Variants in ACOX2 observed in about 807,000 individuals in gnomAD.
The protein encoded by ACOX2 is acyl-CoA oxidase 2, also known as peroxisomal acyl-coenzyme A oxidase 2.
A neutral mutation model predicts 77.5 loss-of-function variants in ACOX2; 59 were observed. The observed-to-expected ratio is 0.76, with a 90% CI of 0.62 to 0.95. The LOEUF (loss-of-function observed/expected upper bound fraction) is 0.95, where lower values mean the gene tolerates loss of function less well. Among genes scored for constraint, ACOX2 ranks in the 40% least tolerant of loss-of-function variants. The pLI, the probability that ACOX2 is intolerant of heterozygous loss-of-function variation, is 0.00. For missense variants in ACOX2, 837 were observed against 880.4 expected (o/e 0.95, Z 0.62); for synonymous variants, 317 against 340.1 (o/e 0.93, Z 0.75).
intron 14 of ACOX2, among the ~76,000 whole-genome samples, chr3:58,507,005 C>A (rs1379140415): frequency 1.3e-5 from 2 of 152,158 alleles, no homozygotes; most frequent in African/African-American, 4.8e-5. Context: ...AGATCATGTA[C>A]ATTAGCAGGC....
In ACOX2 at chr3:58,537,153, C is replaced by T. The variant is rs993829106; in HGVS notation, c.-126G>A. On this transcript the variant is annotated 5_prime_UTR_variant, in exon 1 of 15. Transcript: ENST00000302819. ...CTCTGTCCTGTGTCCGCACTGTAGG[C>T]CGGGCTGGCCTCTCCCCGGCTGTAG... The T allele has an allele frequency of 1.3e-5, 2 of 152,668 alleles. No homozygotes were observed. Among genetic ancestry groups the T allele is most frequent in the African/African-American group, 4.8e-5 (2 of 41,472 alleles). 9.5% of individuals were successfully genotyped at this position (152,668 alleles called of 1,614,324 possible). A position where few individuals can be genotyped will look rare whatever the true frequency, so the allele number is the denominator to read the frequency against.
At chr3:58,509,751 G>A (rs1386521943) in intron 13 of ACOX2, among the ~76,000 whole-genome samples, 6 of 150,758 alleles carry the variant, frequency 4.0e-5, no homozygotes, top group African/African-American at 9.8e-5. Flanking sequence ...GATTACAGGC[G>A]CCTGCCACCA....
At position 58,533,553 on chromosome 3, in the gene ACOX2, C is replaced by T; in HGVS notation, c.476-1G>A. On this transcript the variant is annotated splice_acceptor_variant, in intron 4 of 14. Coordinates refer to ENST00000302819, the MANE Select transcript of ACOX2 (RefSeq NM_003500.4). LOFTEE classifies it high-confidence loss of function. This position sits in a 1 kb window ranked among gnomAD's most constrained non-coding sequence, Gnocchi z 5.6. ...GTCTCCAGGCCCTGAAGATATGTCC[C>T]TTAGGATCAAGGAGAGGTGTTAGAC... The T allele has an allele frequency of 6.2e-7, 1 of 1,613,856 alleles. No homozygotes were observed. Among genetic ancestry groups the T allele is most frequent in the Non-Finnish European group, 8.5e-7 (1 of 1,179,868 alleles).
rs2063452924 is a variant in ACOX2, at chr3:58,533,078, A to G, written c.583+367T>C. On this transcript the variant is annotated intron_variant, in intron 5 of 14. Transcript: ENST00000302819. This position sits in a 1 kb window ranked among gnomAD's most constrained non-coding sequence, Gnocchi z 5.6. ...AGGGCCTGTGCTCTGGCTGGTGGCA[A>G]GCTCTGCCACTAACTCGGGAGATGA... Among the ~76,000 whole-genome samples the G allele has an allele frequency of 6.6e-6, 1 of 152,088 alleles. No homozygotes were observed. Among genetic ancestry groups the G allele is most frequent in the African/African-American group, 2.4e-5 (1 of 41,420 alleles).
chr3:58,531,228 C>T lies in ACOX2; in HGVS notation c.819+23G>A, dbSNP rs755376106. ...GTCCCCTCTCCAGGAAGTACAAGTC[C>T]CCGGCCTCCCCAGATCTGTAACCTG... On this transcript the variant is annotated intron_variant, in intron 7 of 14. Coordinates refer to ENST00000302819, the MANE Select transcript of ACOX2 (RefSeq NM_003500.4). The surrounding 1 kb of genome is among the most constrained non-coding windows in gnomAD (Gnocchi z 5.8). 4 of 1,601,720 alleles carry T rather than the reference C, an allele frequency of 2.5e-6. No individual in the cohort carries two copies. Among genetic ancestry groups the T allele is most frequent in the South Asian group, 1.1e-5 (1 of 90,464 alleles).
Position 58,531,592 on chromosome 3 carries a change from C to A in ACOX2, c.703+101G>T. The A allele has an allele frequency of 6.6e-7, 1 of 1,513,526 alleles. No homozygotes were observed. The highest frequency in any genetic ancestry group is 8.9e-7 in the Non-Finnish European group (1 of 1,121,614). The allele number at this position is 1,513,526 out of a possible 1,614,324, so 93.8% of individuals were successfully genotyped here. On this transcript the variant is annotated intron_variant, in intron 6 of 14. Transcript: ENST00000302819. The surrounding 1 kb of genome is among the most constrained non-coding windows in gnomAD (Gnocchi z 5.8). The stretch of plus-strand genomic sequence containing the variant: ...TGGACCGCTCCCTGCCCAAGGGAGA[C>A]ATGTCTTAGCTACTCCTGTGGCCCT...
chr3:58,522,390 C>G lies in ACOX2; in HGVS notation c.1632+106G>C. 1 of 1,107,772 alleles carries G rather than the reference C, an allele frequency of 9.0e-7. No individual in the cohort carries two copies. Among genetic ancestry groups the G allele is most frequent in the Non-Finnish European group, 1.3e-6 (1 of 747,506 alleles). The allele number at this position is 1,107,772 out of a possible 1,614,324, so 68.6% of individuals were successfully genotyped here. Reference sequence around the variant, plus strand: ...GGAAGTGAAATGAGGGCAGCCGCCACTGAAGCAGAGTTGGGGAATAATGGC... The same window carrying G: ...GGAAGTGAAATGAGGGCAGCCGCCAGTGAAGCAGAGTTGGGGAATAATGGC... On this transcript the variant is annotated intron_variant, in intron 12 of 14. Coordinates refer to ENST00000302819, the MANE Select transcript of ACOX2 (RefSeq NM_003500.4). This position sits in a 1 kb window ranked among gnomAD's most constrained non-coding sequence, Gnocchi z 4.3.
Position 58,535,101 on chromosome 3 carries a change from G to A in ACOX2, c.6C>T (p.Gly2=). 1 of 1,614,184 alleles carries A rather than the reference G, an allele frequency of 6.2e-7. No individual in the cohort carries two copies. Among genetic ancestry groups the A allele is most frequent in the Non-Finnish European group, 8.5e-7 (1 of 1,180,030 alleles). ...CCAATGACACTCGGTGCACTGGGCT[G>A]CCCATCCTATCCTGGATCTGTCTGG... M[G]SPVHRVSLGD... is the part of the protein sequence containing the mutation. The change falls in exon 2 of 15, where the codon GGC becomes GGT. Residue 2 remains glycine, a synonymous_variant. Coordinates refer to ENST00000302819, the MANE Select transcript of ACOX2 (RefSeq NM_003500.4). The surrounding 1 kb of genome is among the most constrained non-coding windows in gnomAD (Gnocchi z 4.8).
At position 58,533,146 on chromosome 3, in the gene ACOX2, G is replaced by A. The variant is rs912148014; in HGVS notation, c.583+299C>T. ...AGGAGTGCCTAGGACTAGACCAAGT[G>A]TGTGTGTTTGTGCGTGTGTGTGTGA... On this transcript the variant is annotated intron_variant, in intron 5 of 14. Transcript: ENST00000302819. The surrounding 1 kb of genome is among the most constrained non-coding windows in gnomAD (Gnocchi z 5.6). Among the ~76,000 whole-genome samples, 2 of 152,164 alleles carry A rather than the reference G, an allele frequency of 1.3e-5. No individual in the cohort carries two copies. The highest frequency in any genetic ancestry group is 2.9e-5 in the Non-Finnish European group (2 of 68,026).
rs1468505565 is a variant in ACOX2 at position 58,514,420 on chromosome 3, T to C, written c.1850+2786A>G. ...CCCCAGCTGAGGTTTTATGACCGCT[T>C]AAACAACTAAAAACTGTTTGGGTCA... On this transcript the variant is annotated intron_variant, in intron 13 of 14. Transcript: ENST00000302819. The surrounding 1 kb of genome is among the most constrained non-coding windows in gnomAD (Gnocchi z 4.3). 6.6e-6 allele frequency among the ~76,000 whole-genome samples: 1 copy of C among 152,216 alleles called. No individual in the cohort carries two copies. Among genetic ancestry groups the C allele is most frequent in the Admixed American group, 6.5e-5 (1 of 15,284 alleles).
chr3:58,518,689 TG>T (rs1465971280), intron 12 of ACOX2, among the ~76,000 whole-genome samples: 1 of 152,222 alleles, frequency 6.6e-6, no homozygotes, highest in Non-Finnish European at 1.5e-5. Flanking sequence ...TGAAGAGCAG[TG>T]TTGCAATCTT....
Position 58,526,582 on chromosome 3 carries a change from C to T in ACOX2, c.1230G>A (p.Arg410=), listed in dbSNP as rs2108003974. The change falls in exon 10 of 15, where the codon AGG becomes AGA. Residue 410 remains arginine, a synonymous_variant. Transcript: ENST00000302819. This position sits in a 1 kb window ranked among gnomAD's most constrained non-coding sequence, Gnocchi z 4.3. ...FCTQGAEMCR[R]ACGGHGYSKL... is the part of the protein sequence containing the mutation. The stretch of plus-strand genomic sequence containing the variant: ...TTGAGTAGCCATGTCCGCCACAGGC[C>T]CTGCGGCACATCTCAGCTCCCTGGG... 1 of 1,614,180 alleles carries T rather than the reference C, an allele frequency of 6.2e-7. No individual in the cohort carries two copies. Among genetic ancestry groups the T allele is most frequent in the Non-Finnish European group, 8.5e-7 (1 of 1,180,028 alleles).
chr3:58,523,787 G>T lies in ACOX2; in HGVS notation c.1526+639C>A, dbSNP rs540621733. Among the ~76,000 whole-genome samples the T allele has an allele frequency of 1.3e-5, 2 of 152,138 alleles. No homozygotes were observed. The highest frequency in any genetic ancestry group is 4.8e-5 in the African/African-American group (2 of 41,500). Reference sequence around the variant, plus strand: ...TTAATTTGGGGGCAGCATTCAGAACGTTTTCTTTTTAGGTAGTTAAACCTC... The same window carrying T: ...TTAATTTGGGGGCAGCATTCAGAACTTTTTCTTTTTAGGTAGTTAAACCTC... On this transcript the variant is annotated intron_variant, in intron 11 of 14. Transcript: ENST00000302819. This position sits in a 1 kb window ranked among gnomAD's most constrained non-coding sequence, Gnocchi z 5.3.
chr3:58,525,294 T>C lies in ACOX2; in HGVS notation c.1347-689A>G, dbSNP rs556550973. ...TGGAAAAAAACCAAGGGATGTTATA[T>C]ATTTTTAAAAATATAATAAATGTTG... On this transcript the variant is annotated intron_variant, in intron 10 of 14. Coordinates refer to ENST00000302819, the MANE Select transcript of ACOX2 (RefSeq NM_003500.4). This position sits in a 1 kb window ranked among gnomAD's most constrained non-coding sequence, Gnocchi z 5.0. Among the ~76,000 whole-genome samples, 9 of 152,366 alleles carry C rather than the reference T, an allele frequency of 5.9e-5. 1 individual carries two copies. The South Asian group carries it at 1.9e-3, about 32-fold the overall frequency.
intron 9 of ACOX2, among the ~76,000 whole-genome samples, chr3:58,527,314 GA>G (rs1246131596): frequency 6.6e-6 from 1 of 152,032 alleles, no homozygotes; most frequent in Non-Finnish European, 1.5e-5. Context: ...AAGGCAGGTG[GA>G]TCACGAGGTC....
Position 58,526,678 on chromosome 3 carries a change from T to C in ACOX2, c.1156-22A>G. ...GGAGCTGTGAGAACATGGAGGGGGG[T>C]TGGGCGGTGTTAGGGGGCCTCCACC... On this transcript the variant is annotated intron_variant, in intron 9 of 14. Coordinates refer to ENST00000302819, the MANE Select transcript of ACOX2 (RefSeq NM_003500.4). This position sits in a 1 kb window ranked among gnomAD's most constrained non-coding sequence, Gnocchi z 4.3. 1 of 1,608,602 alleles carries C rather than the reference T, an allele frequency of 6.2e-7. No individual in the cohort carries two copies. The highest frequency in any genetic ancestry group is 8.5e-7 in the Non-Finnish European group (1 of 1,177,442).
intron 8 of ACOX2, 92 bp from the exon 9 acceptor site, chr3:58,529,048 G>A: frequency 2.2e-6 from 3 of 1,370,934 alleles, no homozygotes; most frequent in South Asian, 3.2e-5. Context: ...AAAACAGACA[G>A]TTCCTTAGAA....
chr3:58,533,316 GC>G lies in ACOX2; in HGVS notation c.583+128del. On this transcript the variant is annotated intron_variant, in intron 5 of 14. Transcript: ENST00000302819. The surrounding 1 kb of genome is among the most constrained non-coding windows in gnomAD (Gnocchi z 5.6). ...GAGGCTCAGGTTGGTGAACTGACTTGCCCAAGGTCAGCAGCCTAGAACAGAA... is the reference window on the plus strand; with the variant it reads ...GAGGCTCAGGTTGGTGAACTGACTTGCCAAGGTCAGCAGCCTAGAACAGAA... The G allele has an allele frequency of 1.2e-6, 1 of 815,700 alleles. No homozygotes were observed. The allele number at this position is 815,700 out of a possible 1,614,324, so 50.5% of individuals were successfully genotyped here. A position where few individuals can be genotyped will look rare whatever the true frequency, so the allele number is the denominator to read the frequency against.
chr3:58,534,330 C>G lies in ACOX2; in HGVS notation c.323+30G>C. ...TCCAGGTGATCCCAGGTAGATCCCT[C>G]TCTAGTGGGGCTGCTCGAGGAGTGA... On this transcript the variant is annotated intron_variant, in intron 3 of 14. Coordinates refer to ENST00000302819, the MANE Select transcript of ACOX2 (RefSeq NM_003500.4). This position sits in a 1 kb window ranked among gnomAD's most constrained non-coding sequence, Gnocchi z 4.8. 1 of 1,612,630 alleles carries G rather than the reference C, an allele frequency of 6.2e-7. No individual in the cohort carries two copies. Among genetic ancestry groups the G allele is most frequent in the Non-Finnish European group, 8.5e-7 (1 of 1,179,116 alleles).
Sources: allele counts gnomAD v4.1 joint callset (sites outside exome capture counted in the v4.1 genomes callset), GRCh38; gene constraint gnomAD v4.1.1; non-coding constraint Gnocchi (gnomAD v3.1); transcripts MANE v1.5; gene names NCBI Gene and HGNC (gene_info 2026-07-23, HGNC 2026-07-21).